The following CCDC169 variants were observed in gnomAD, a reference collection of about 807,000 sequenced individuals.
The protein encoded by CCDC169 is coiled-coil domain containing 169, also known as coiled-coil domain-containing protein 169.
Under a neutral mutation model 36.0 loss-of-function variants are expected in CCDC169, and 30 were observed. That is an observed-to-expected ratio of 0.83 (90% CI 0.62 to 1.13). CCDC169 has a LOEUF of 1.13. Among genes scored for constraint, CCDC169 ranks in the 50% most tolerant of loss-of-function variants. The pLI, the probability that CCDC169 is intolerant of heterozygous loss-of-function variation, is 0.00. For missense variants in CCDC169, 245 were observed against 245.9 expected (o/e 1.00, Z 0.03); for synonymous variants, 85 against 81.5 (o/e 1.04, Z -0.23).
At chr13:36,248,160 T>C (rs966003734) in intron 7 of CCDC169, among the ~76,000 whole-genome samples, 1 of 152,152 alleles carries the variant, frequency 6.6e-6, no homozygotes, top group Non-Finnish European at 1.5e-5. Flanking sequence ...TATTGCATAC[T>C]TAATAGACTA....
chr13:36,239,465 T>C (rs568440064), intron 7 of CCDC169, among the ~76,000 whole-genome samples: 3 of 152,284 alleles, frequency 2.0e-5, no homozygotes, highest in African/African-American at 7.2e-5. Context: ...CAAGTTTATG[T>C]TATTAATAGC....
chr13:36,284,549 C>T (rs980680419), intron 2 of CCDC169, among the ~76,000 whole-genome samples: 11 of 152,168 alleles, frequency 7.2e-5, no homozygotes, highest in Non-Finnish European at 1.3e-4. Flanking sequence ...CAGGCATTTT[C>T]TCTTAACCTT....
At chr13:36,268,729 CA>C (rs1875654762) in intron 4 of CCDC169, among the ~76,000 whole-genome samples, 1 of 151,948 alleles carries the variant, frequency 6.6e-6, no homozygotes, top group Non-Finnish European at 1.5e-5. Context: ...TTAGATTAAC[CA>C]AGAAAAGAAG....
intron 4 of CCDC169, among the ~76,000 whole-genome samples, chr13:36,266,054 T>C (rs1347352444): frequency 6.6e-6 from 1 of 152,194 alleles, no homozygotes; most frequent in Non-Finnish European, 1.5e-5. Flanking sequence ...TTGACTAGTA[T>C]TGCAGGGCCC....
intron 4 of CCDC169, among the ~76,000 whole-genome samples, chr13:36,258,769 G>T (rs1044474871): frequency 1.3e-5 from 2 of 152,166 alleles, no homozygotes; most frequent in African/African-American, 4.8e-5. Context: ...TCTGCTGATG[G>T]AGTGGCCATT....
At chr13:36,249,231 T>A (rs1872852459) in intron 6 of CCDC169, among the ~76,000 whole-genome samples, 1 of 152,124 alleles carries the variant, frequency 6.6e-6, no homozygotes, top group Non-Finnish European at 1.5e-5. Flanking sequence ...TCATTGAGGG[T>A]ACACAGAGAA....
downstream of CCDC169, among the ~76,000 whole-genome samples, chr13:36,229,186 G>A (rs953736062): frequency 6.6e-6 from 1 of 152,104 alleles, no homozygotes; most frequent in African/African-American, 2.4e-5. Flanking sequence ...TAATTATAAA[G>A]GATAAAACTG....
downstream of CCDC169, among the ~76,000 whole-genome samples, chr13:36,229,539 TG>T (rs1332828432): frequency 5.4e-4 from 15 of 27,724 alleles, no homozygotes; most frequent in Non-Finnish European, 7.8e-4. Flanking sequence ...ATTATAATAA[TG>T]TTTTTTTTTT....
intron 6 of CCDC169, among the ~76,000 whole-genome samples, chr13:36,249,304 A>G (rs1261511840): frequency 6.6e-6 from 1 of 152,226 alleles, no homozygotes; most frequent in Non-Finnish European, 1.5e-5. Context: ...ATTACCAAAG[A>G]TAGACAGGCC....
intron 4 of CCDC169, among the ~76,000 whole-genome samples, chr13:36,268,983 T>C (rs1006418393): frequency 2.0e-4 from 31 of 152,016 alleles, no homozygotes; most frequent in Non-Finnish European, 3.2e-4. Flanking sequence ...TGAATGCCTA[T>C]AATCCCAGCT....
At chr13:36,229,950 A>G (rs902676158), downstream of CCDC169, among the ~76,000 whole-genome samples, 3 of 152,212 alleles carry the variant, frequency 2.0e-5, no homozygotes, top group African/African-American at 7.2e-5. Context: ...ACCTAATATT[A>G]ATAGTTAGCT....
chr13:36,294,989 G>A (rs1415620152), intron 2 of CCDC169, among the ~76,000 whole-genome samples: 1 of 152,078 alleles, frequency 6.6e-6, no homozygotes, highest in Non-Finnish European at 1.5e-5. Flanking sequence ...TCTTTCTCTG[G>A]AGGCAGAAAT....
downstream of CCDC169, among the ~76,000 whole-genome samples, chr13:36,229,360 T>C (rs1870172842): frequency 6.6e-6 from 1 of 152,104 alleles, no homozygotes; most frequent in Admixed American, 6.6e-5. Flanking sequence ...TATCCCAAAG[T>C]AGCTCCTGCA....
At chr13:36,226,909 G>A (rs1313516476), downstream of CCDC169, 9 of 404,652 alleles carry the variant, frequency 2.2e-5, no homozygotes, top group East Asian at 1.0e-4. Context: ...AATATACCAC[G>A]ATAGCAAACC....
At chr13:36,254,756 T>A (rs1251757907) in intron 4 of CCDC169, among the ~76,000 whole-genome samples, 1 of 152,214 alleles carries the variant, frequency 6.6e-6, no homozygotes, top group Non-Finnish European at 1.5e-5. Flanking sequence ...CCACATCGAC[T>A]AATGAATAGT....
chr13:36,276,255 T>C (rs1051065919), intron 4 of CCDC169, among the ~76,000 whole-genome samples: 2 of 152,218 alleles, frequency 1.3e-5, no homozygotes, highest in Admixed American at 1.3e-4. Context: ...ACCTGAAATA[T>C]ACTCTTTTTC....
At chr13:36,268,673 T>C (rs1232777061) in intron 4 of CCDC169, among the ~76,000 whole-genome samples, 2 of 151,924 alleles carry the variant, frequency 1.3e-5, no homozygotes, top group African/African-American at 2.4e-5. Flanking sequence ...AGATCAATGA[T>C]ACAAAAATCT....
chr13:36,235,920 A>G (rs984819533), intron 7 of CCDC169, among the ~76,000 whole-genome samples: 5 of 152,042 alleles, frequency 3.3e-5, no homozygotes, highest in African/African-American at 1.2e-4. Flanking sequence ...CAAAAAGAAT[A>G]CAGTTTTAGG....
chr13:36,256,769 G>T (rs777700615), intron 4 of CCDC169, among the ~76,000 whole-genome samples: 32 of 152,200 alleles, frequency 2.1e-4, no homozygotes, highest in Non-Finnish European at 4.3e-4. Context: ...CCTCACCCTG[G>T]GCTGAACCCC....
Sources: gnomAD v4.1 joint callset for allele counts (sites outside exome capture counted in the v4.1 genomes callset) on GRCh38, gnomAD v4.1.1 for gene constraint, MANE v1.5 for transcripts, NCBI Gene and HGNC (gene_info 2026-07-23, HGNC 2026-07-21) for gene names.